The following ADAMTSL3 variants were observed in gnomAD, a reference collection of about 807,000 sequenced individuals.
ADAMTSL3 encodes the protein ADAMTS like 3.
ADAMTSL3 carries 128 observed loss-of-function variants against 201.7 expected under a neutral mutation model. That is an observed-to-expected ratio of 0.63 (90% CI 0.55 to 0.73). The LOEUF (loss-of-function observed/expected upper bound fraction) is 0.73. Ranked by LOEUF, ADAMTSL3 falls within the 30% of genes least tolerant of loss-of-function variation. The pLI is 0.00. For missense variants in ADAMTSL3, 1,990 were observed against 2,119.6 expected (o/e 0.94, Z 1.20); for synonymous variants, 738 against 748.4 (o/e 0.99, Z 0.23).
chr15:83,875,806 A>G (rs1387220547), intron 9 of ADAMTSL3, among the ~76,000 whole-genome samples: 1 of 152,050 alleles, frequency 6.6e-6, no homozygotes, highest in East Asian at 1.9e-4. Context: ...AATAAAATAA[A>G]TAAAAAAAAG....
chr15:83,740,312 T>A (rs1274468966), intron 3 of ADAMTSL3: 1 of 152,324 alleles, frequency 6.6e-6, no homozygotes, highest in East Asian at 1.9e-4. Flanking sequence ...TATGGTTTAT[T>A]TTCTCCAACC....
At chr15:83,811,502 G>A (rs899269644) in intron 5 of ADAMTSL3, among the ~76,000 whole-genome samples, 1 of 152,164 alleles carries the variant, frequency 6.6e-6, no homozygotes, top group Non-Finnish European at 1.5e-5. Context: ...ATGCCACATA[G>A]TACAGACATA....
chr15:83,799,070 C>CTTTCCTTCTTAAA (rs1353240836), intron 4 of ADAMTSL3, among the ~76,000 whole-genome samples: 1 of 152,130 alleles, frequency 6.6e-6, no homozygotes, highest in African/African-American at 2.4e-5. Flanking sequence ...AGGAAACCTA[C>CTTTCCTTCTTAAA]TTCCCTTGGA....
At chr15:83,781,029 T>C (rs1189383243) in intron 4 of ADAMTSL3, among the ~76,000 whole-genome samples, 1 of 152,190 alleles carries the variant, frequency 6.6e-6, no homozygotes, top group Non-Finnish European at 1.5e-5. Context: ...ATGGCCATAC[T>C]GCCCAAAGCA....
At chr15:83,772,633 T>C (rs763335753) in intron 3 of ADAMTSL3, among the ~76,000 whole-genome samples, 7 of 152,130 alleles carry the variant, frequency 4.6e-5, no homozygotes, top group Non-Finnish European at 1.0e-4. Flanking sequence ...CAAATCCTTA[T>C]GCAAGGTTTC....
chr15:83,757,126 C>T (rs1257079990), intron 3 of ADAMTSL3, among the ~76,000 whole-genome samples: 1 of 152,214 alleles, frequency 6.6e-6, no homozygotes, highest in Admixed American at 6.5e-5. Flanking sequence ...GAAGGTGGCC[C>T]TCTTCTCACA....
At position 83,884,485 on chromosome 15, in the gene ADAMTSL3, G is replaced by A. The variant is rs375122041; in HGVS notation, c.961-616G>A. On this transcript the variant is annotated intron_variant, in intron 9 of 29. Coordinates refer to ENST00000286744, the MANE Select transcript of ADAMTSL3 (RefSeq NM_207517.3). ...AGATGGGGTTTCACCATGTTGGCAA[G>A]GCTGGTCTCGAACTCCTGACCTCAA... Among the ~76,000 whole-genome samples, 10 of 151,582 alleles carry A rather than the reference G, an allele frequency of 6.6e-5. No homozygotes were observed. The East Asian group carries it at 1.6e-3, about 24-fold the overall frequency.
intron 16 of ADAMTSL3, among the ~76,000 whole-genome samples, chr15:83,923,147 A>G (rs1297067624): frequency 6.6e-6 from 1 of 152,124 alleles, no homozygotes; most frequent in Non-Finnish European, 1.5e-5. Context: ...GAATCCCTAG[A>G]GTATGTACAA....
At chr15:83,993,631 C>G (rs974696634) in intron 23 of ADAMTSL3, among the ~76,000 whole-genome samples, 2 of 152,016 alleles carry the variant, frequency 1.3e-5, no homozygotes, top group African/African-American at 4.8e-5. Context: ...AGGGATTATC[C>G]CTAGTCATTC....
At chr15:83,914,003 C>G (rs1286524044) in intron 16 of ADAMTSL3, among the ~76,000 whole-genome samples, 1 of 152,104 alleles carries the variant, frequency 6.6e-6, no homozygotes, top group Non-Finnish European at 1.5e-5. Context: ...GTCCAGAGAG[C>G]CACTCTTGAG....
chr15:83,914,856 TGTTTG>T (rs1476343227), intron 16 of ADAMTSL3, among the ~76,000 whole-genome samples: 12 of 23,518 alleles, frequency 5.1e-4, no homozygotes, highest in East Asian at 6.3e-3. Flanking sequence ...TGGTTTTGTT[TGTTTG>T]TTTGTTTGTT....
chr15:83,736,377 C>T (rs965898318), intron 3 of ADAMTSL3, among the ~76,000 whole-genome samples: 2 of 152,118 alleles, frequency 1.3e-5, no homozygotes, highest in East Asian at 1.9e-4. Flanking sequence ...TCTACTTCAT[C>T]GCATATGGCA....
At chr15:83,866,983 C>G (rs2064992942) in intron 8 of ADAMTSL3, among the ~76,000 whole-genome samples, 2 of 152,114 alleles carry the variant, frequency 1.3e-5, no homozygotes, top group Admixed American at 1.3e-4. Flanking sequence ...GAAAGTTATC[C>G]TTCTTTGCTG....
At chr15:83,688,903 G>T (rs2061575273) in intron 2 of ADAMTSL3, among the ~76,000 whole-genome samples, 1 of 152,032 alleles carries the variant, frequency 6.6e-6, no homozygotes, top group South Asian at 2.1e-4. Context: ...CCACCTCCTG[G>T]GCTCAGGTGA....
chr15:83,859,035 G>A (rs1180049927), intron 8 of ADAMTSL3, among the ~76,000 whole-genome samples, 195 bp downstream of exon 8: 1 of 152,206 alleles, frequency 6.6e-6, no homozygotes, highest in African/African-American at 2.4e-5. Flanking sequence ...TTTGCAGCCA[G>A]AGACAGTGAG....
intron 6 of ADAMTSL3, among the ~76,000 whole-genome samples, chr15:83,830,841 C>A (rs575076170): frequency 6.6e-6 from 1 of 152,114 alleles, no homozygotes; most frequent in South Asian, 2.1e-4. Context: ...TTGCAGGAGG[C>A]CAGACTGGGA....
At chr15:83,794,540 G>A (rs2063393270) in intron 4 of ADAMTSL3, among the ~76,000 whole-genome samples, 1 of 151,992 alleles carries the variant, frequency 6.6e-6, no homozygotes, top group Non-Finnish European at 1.5e-5. Flanking sequence ...TTACAATGAA[G>A]TTATAAAAAT....
At chr15:84,033,085 TC>T (rs1181465866) in intron 28 of ADAMTSL3, among the ~76,000 whole-genome samples, 1 of 152,156 alleles carries the variant, frequency 6.6e-6, no homozygotes, top group African/African-American at 2.4e-5. Flanking sequence ...ATATTTTTTT[TC>T]TTGAACTCAT....
chr15:83,821,123 A>G (rs1475413329), intron 6 of ADAMTSL3, among the ~76,000 whole-genome samples: 1 of 152,050 alleles, frequency 6.6e-6, no homozygotes, highest in Non-Finnish European at 1.5e-5. Context: ...TGAGACAGGG[A>G]TGGCAGGGAA....
Sources: allele counts gnomAD v4.1 joint callset (sites outside exome capture counted in the v4.1 genomes callset), GRCh38; gene constraint gnomAD v4.1.1; transcripts MANE v1.5; gene names NCBI Gene and HGNC (gene_info 2026-07-23, HGNC 2026-07-21).